Variants in DIAPH2 observed in about 807,000 individuals in gnomAD.
The protein encoded by DIAPH2 is diaphanous related formin 2, also known as protein diaphanous homolog 2.
DIAPH2 carries 35 observed loss-of-function variants against 92.7 expected under a neutral mutation model. The observed-to-expected ratio is 0.38, with a 90% CI of 0.29 to 0.50. The LOEUF (loss-of-function observed/expected upper bound fraction) is 0.50. Ranked by LOEUF, DIAPH2 falls within the 20% of genes least tolerant of loss-of-function variation. The pLI, the probability that DIAPH2 is intolerant of heterozygous loss-of-function variation, is 0.94. For synonymous variants in DIAPH2, 301 were observed against 280.4 expected (o/e 1.07, Z -0.73); for missense variants, 701 against 819.5 (o/e 0.86, Z 1.77).
intron 1 of DIAPH2, among the ~76,000 whole-genome samples, chrX:96,711,911 C>T (rs771290476): frequency 9.0e-6 from 1 of 111,276 alleles, no homozygotes; most frequent in Non-Finnish European, 1.9e-5. Flanking sequence ...GACAGTAGGT[C>T]TGTGGTAAAA....
At chrX:97,426,949 G>A (rs1307562308) in intron 25 of DIAPH2, among the ~76,000 whole-genome samples, 1 of 110,940 alleles carries the variant, frequency 9.0e-6, no homozygotes, top group Admixed American at 9.6e-5. Flanking sequence ...GGCCGAGGCA[G>A]GCGGATCACT....
intron 24 of DIAPH2, among the ~76,000 whole-genome samples, chrX:97,364,150 A>T (rs953763118): frequency 2.7e-5 from 3 of 111,890 alleles, no homozygotes; most frequent in African/African-American, 9.8e-5. Flanking sequence ...AAAGAACATC[A>T]TATATGTAGC....
intron 26 of DIAPH2, among the ~76,000 whole-genome samples, chrX:97,596,012 C>T (rs1427981222): frequency 1.8e-5 from 2 of 112,094 alleles, no homozygotes; most frequent in African/African-American, 3.2e-5. Context: ...GTATCAGAAT[C>T]TATTCACCTT....
intron 4 of DIAPH2, among the ~76,000 whole-genome samples, chrX:96,880,085 T>G (rs1448685873): frequency 9.0e-6 from 1 of 111,727 alleles, no homozygotes; most frequent in Non-Finnish European, 1.9e-5. Context: ...AAATACCAAG[T>G]CAGTGGCCAT....
intron 4 of DIAPH2, among the ~76,000 whole-genome samples, chrX:96,867,394 A>T (rs2065111589): frequency 9.1e-6 from 1 of 110,159 alleles, no homozygotes; most frequent in Non-Finnish European, 1.9e-5. Flanking sequence ...TATTTTTTGT[A>T]TTTTTAGTAG....
At chrX:96,930,991 T>A in intron 10 of DIAPH2, 148 bp downstream of exon 10, 1 of 544,750 alleles carries the variant, frequency 1.8e-6, no homozygotes, top group Non-Finnish European at 2.7e-6. Flanking sequence ...TGTATTCCAG[T>A]AATAGCATTC....
At chrX:97,252,567 A>G (rs926248935) in intron 23 of DIAPH2, among the ~76,000 whole-genome samples, 1 of 111,780 alleles carries the variant, frequency 8.9e-6, no homozygotes, top group African/African-American at 3.3e-5. Flanking sequence ...GAAAAAACTC[A>G]CAGAACCACC....
chrX:97,459,627 G>T (rs1462711743), intron 26 of DIAPH2, among the ~76,000 whole-genome samples: 2 of 111,896 alleles, frequency 1.8e-5, no homozygotes, highest in African/African-American at 6.5e-5. Context: ...CAGGCATGAT[G>T]GGTTATGTAT....
chrX:96,935,659 T>A (rs2065652739), intron 10 of DIAPH2, among the ~76,000 whole-genome samples: 1 of 111,598 alleles, frequency 9.0e-6, no homozygotes, highest in Admixed American at 9.5e-5. Flanking sequence ...CTATATGTGC[T>A]CATATACTAT....
chrX:97,002,287 A>AATAT (rs760584026), intron 17 of DIAPH2, among the ~76,000 whole-genome samples: 90 of 108,813 alleles, frequency 8.3e-4, no homozygotes, highest in African/African-American at 2.9e-3. Context: ...ATTTGTAATG[A>AATAT]ATATATATAT....
intron 4 of DIAPH2, among the ~76,000 whole-genome samples, chrX:96,822,498 AT>A (rs1364355530): frequency 5.4e-5 from 6 of 112,042 alleles, no homozygotes; most frequent in African/African-American, 1.9e-4. Flanking sequence ...AGATAGGTGA[AT>A]TTTAAAAATT....
intron 5 of DIAPH2, among the ~76,000 whole-genome samples, chrX:96,888,415 G>T: frequency 9.4e-6 from 1 of 106,243 alleles, no homozygotes. Flanking sequence ...ATGACATATA[G>T]GCATTTTTAA....
chrX:97,489,361 T>C (rs1433334437), intron 26 of DIAPH2, among the ~76,000 whole-genome samples: 3 of 111,533 alleles, frequency 2.7e-5, no homozygotes, highest in African/African-American at 9.8e-5. Context: ...CTATGTAAGA[T>C]CACGTGTCGG....
At chrX:97,299,299 A>G (rs1203516830) in intron 23 of DIAPH2, among the ~76,000 whole-genome samples, 1 of 111,715 alleles carries the variant, frequency 9.0e-6, no homozygotes, top group Non-Finnish European at 1.9e-5. Flanking sequence ...CAAAAACATA[A>G]CAATTCAGAT....
chrX:97,080,796 A>G (rs1488251289), intron 19 of DIAPH2, among the ~76,000 whole-genome samples: 1 of 111,206 alleles, frequency 9.0e-6, no homozygotes, highest in Non-Finnish European at 1.9e-5. Context: ...TCAATTAACC[A>G]GTTCTAGAGT....
Position 96,744,484 on chromosome X carries a change from A to T in DIAPH2, c.342+5722A>T, listed in dbSNP as rs990882613. Among the ~76,000 whole-genome samples the T allele has an allele frequency of 3.4e-4, 38 of 112,413 alleles. 1 individual carries two copies. The highest frequency in any genetic ancestry group is 9.4e-5 in the Non-Finnish European group (5 of 53,315). On this transcript the variant is annotated intron_variant, in intron 3 of 26. Transcript: ENST00000324765. ...TTTAATAATGCTTCATTTAAACTAA[A>T]TATAAAATTAGTACATTTTCCTTGC...
chrX:97,200,914 C>CA (rs1162166307), intron 22 of DIAPH2, among the ~76,000 whole-genome samples: 1 of 111,411 alleles, frequency 9.0e-6, no homozygotes, highest in Non-Finnish European at 1.9e-5. Flanking sequence ...ATATCTCATA[C>CA]AGGAGAGCTC....
At chrX:97,313,935 C>T (rs990474335) in intron 23 of DIAPH2, among the ~76,000 whole-genome samples, 3 of 110,551 alleles carry the variant, frequency 2.7e-5, no homozygotes, top group African/African-American at 6.6e-5. Context: ...CCACCGTGCC[C>T]GGCCTGGCTT....
At chrX:97,427,533 A>G (rs2070080183) in intron 25 of DIAPH2, among the ~76,000 whole-genome samples, 1 of 112,076 alleles carries the variant, frequency 8.9e-6, no homozygotes, top group African/African-American at 3.2e-5. Context: ...TCAACTGCAT[A>G]TAATTTAATT....
Sources: gnomAD v4.1 joint callset for allele counts (sites outside exome capture counted in the v4.1 genomes callset) on GRCh38, gnomAD v4.1.1 for gene constraint, MANE v1.5 for transcripts, NCBI Gene and HGNC (gene_info 2026-07-23, HGNC 2026-07-21) for gene names.